The following GLIS3 variants were observed in gnomAD, a reference collection of about 807,000 sequenced individuals.
GLIS3 encodes zinc finger protein GLIS3.
A neutral mutation model predicts 78.6 loss-of-function variants in GLIS3; 53 were observed. That is an observed-to-expected ratio of 0.67 (90% CI 0.54 to 0.85). The LOEUF (loss-of-function observed/expected upper bound fraction) is 0.85, where lower values mean the gene tolerates loss of function less well. Among genes scored for constraint, GLIS3 ranks in the 40% least tolerant of loss-of-function variants. The probability of loss-of-function intolerance (pLI) is 0.00; values close to 1 mark genes in which losing one functional copy is unlikely to be tolerated. For missense variants in GLIS3, 1,703 were observed against 1,231.1 expected (o/e 1.38, Z -5.74); for synonymous variants, 684 against 509.9 (o/e 1.34, Z -4.60).
intron 2 of GLIS3, among the ~76,000 whole-genome samples, chr9:4,144,615 T>G (rs1364544988): frequency 6.6e-6 from 1 of 152,144 alleles, no homozygotes; most frequent in Non-Finnish European, 1.5e-5. Flanking sequence ...CTGTAATACA[T>G]TTTTCACTTA....
At chr9:3,829,871 A>G (rs965852836) in intron 9 of GLIS3, among the ~76,000 whole-genome samples, 15 of 152,084 alleles carry the variant, frequency 9.9e-5, no homozygotes, top group African/African-American at 2.4e-4. Context: ...CCTTTATCCT[A>G]TATTTTCTTC....
At chr9:4,304,621 AG>A (rs1442859551), upstream of GLIS3, among the ~76,000 whole-genome samples, 4 of 152,342 alleles carry the variant, frequency 2.6e-5, no homozygotes, top group South Asian at 2.1e-4. Context: ...GCAGAGAAGA[AG>A]GTGAATTATT....
chr9:4,088,148 A>G (rs1478458831), intron 4 of GLIS3, among the ~76,000 whole-genome samples: 1 of 152,236 alleles, frequency 6.6e-6, no homozygotes, highest in Non-Finnish European at 1.5e-5. Flanking sequence ...GAGAAAGAAT[A>G]AAGAAGAAGG....
At chr9:4,332,154 T>C (rs1214652901) in intron 2 of GLIS3, among the ~76,000 whole-genome samples, 1 of 152,222 alleles carries the variant, frequency 6.6e-6, no homozygotes, top group Admixed American at 6.5e-5. Flanking sequence ...TTCCAGCTTA[T>C]CTAAATTTCT....
At chr9:4,298,703 C>T (rs775600628) in intron 1 of GLIS3, among the ~76,000 whole-genome samples, 2 of 152,106 alleles carry the variant, frequency 1.3e-5, no homozygotes, top group South Asian at 2.1e-4. Flanking sequence ...CGCGAGGTGA[C>T]GAACCCGGCG....
chr9:4,215,433 T>A (rs926926441), intron 2 of GLIS3, among the ~76,000 whole-genome samples: 3 of 152,076 alleles, frequency 2.0e-5, no homozygotes, highest in African/African-American at 7.2e-5. Flanking sequence ...TAAATCATGA[T>A]TGTAAGTGTT....
chr9:3,930,260 A>T (rs1166233170), intron 6 of GLIS3, among the ~76,000 whole-genome samples: 1 of 152,242 alleles, frequency 6.6e-6, no homozygotes, highest in African/African-American at 2.4e-5. Flanking sequence ...ATCCAATTCA[A>T]CCACTTGCAG....
intron 2 of GLIS3, among the ~76,000 whole-genome samples, chr9:4,181,189 G>C (rs557993189): frequency 6.6e-6 from 1 of 152,248 alleles, no homozygotes; most frequent in African/African-American, 2.4e-5. Flanking sequence ...ATCATTCAGA[G>C]ATGCTCCTTT....
At chr9:4,257,512 G>T (rs1217852540) in intron 2 of GLIS3, among the ~76,000 whole-genome samples, 1 of 152,110 alleles carries the variant, frequency 6.6e-6, no homozygotes, top group Non-Finnish European at 1.5e-5. Context: ...AGAAAGAAAG[G>T]TAACTATATA....
At chr9:4,094,332 G>C (rs145208049) in intron 4 of GLIS3, among the ~76,000 whole-genome samples, 1 of 152,188 alleles carries the variant, frequency 6.6e-6, no homozygotes, top group South Asian at 2.1e-4. Flanking sequence ...TGGCTAGTGA[G>C]AGTGCAAATC....
chr9:4,166,389 C>T (rs995973574), intron 2 of GLIS3, among the ~76,000 whole-genome samples: 6 of 152,178 alleles, frequency 3.9e-5, no homozygotes, highest in Non-Finnish European at 7.3e-5. Context: ...AGAAAAACCA[C>T]AGAACAAGGC....
the GLIS3 span, among the ~76,000 whole-genome samples, chr9:4,460,291 A>G: frequency 6.6e-6 from 1 of 152,218 alleles, no homozygotes; most frequent in African/African-American, 2.4e-5. Context: ...TCTATCACTT[A>G]ATCTTTAATT....
At chr9:3,840,100 G>A (rs941033222) in intron 9 of GLIS3, among the ~76,000 whole-genome samples, 2 of 152,164 alleles carry the variant, frequency 1.3e-5, no homozygotes, top group African/African-American at 4.8e-5. Flanking sequence ...TTATAGGGTT[G>A]TGGAAAATAT....
intron 4 of GLIS3, among the ~76,000 whole-genome samples, chr9:4,075,503 G>C (rs909885206): frequency 1.3e-5 from 2 of 152,072 alleles, no homozygotes; most frequent in Non-Finnish European, 2.9e-5. Context: ...GTGAACCCAG[G>C]AGGCGGAGCT....
rs1330319242 is a variant in GLIS3, at chr9:3,856,164, G to C, written c.2318C>G (p.Ser773Cys). ...GAERFAPSAPSPHHISPRRVP... is the reference protein window; with the variant it reads ...GAERFAPSAPCPHHISPRRVP... Reference sequence around the variant, plus strand: ...TCTCCGGGGGCTGATGTGGTGAGGAGATGGAGCAGAAGGTGCAAACCTGAG... The same window carrying C: ...TCTCCGGGGGCTGATGTGGTGAGGACATGGAGCAGAAGGTGCAAACCTGAG... The change falls in exon 9 of 11, where the codon TCT becomes TGT. Residue 773 changes from serine to cysteine, a missense_variant. Coordinates refer to ENST00000381971, the MANE Select transcript of GLIS3 (RefSeq NM_001042413.2). 1 of 1,613,924 alleles carries C rather than the reference G, an allele frequency of 6.2e-7. No homozygotes were observed. The highest frequency in any genetic ancestry group is 8.5e-7 in the Non-Finnish European group (1 of 1,179,980).
chr9:4,401,965 T>A, the GLIS3 span, among the ~76,000 whole-genome samples: 1 of 152,134 alleles, frequency 6.6e-6, no homozygotes, highest in Non-Finnish European at 1.5e-5. Context: ...CCAGCTTAGC[T>A]ATAGTAGAAT....
intron 2 of GLIS3, among the ~76,000 whole-genome samples, chr9:4,229,229 G>A (rs965139831): frequency 1.3e-5 from 2 of 152,212 alleles, no homozygotes; most frequent in South Asian, 4.1e-4. Flanking sequence ...TGGAATTAGA[G>A]AGATTTGCTT....
chr9:4,337,214 C>G (rs1817767929), intron 2 of GLIS3, among the ~76,000 whole-genome samples: 1 of 152,186 alleles, frequency 6.6e-6, no homozygotes, highest in African/African-American at 2.4e-5. Flanking sequence ...TTCTGGGACA[C>G]AGTCCTGAGG....
chr9:4,429,024 C>T, the GLIS3 span, among the ~76,000 whole-genome samples: 27 of 152,206 alleles, frequency 1.8e-4, no homozygotes, highest in African/African-American at 6.3e-4. Flanking sequence ...TCTCACCAGT[C>T]TCCTAACTGG....
Sources: gnomAD v4.1 joint callset for allele counts (sites outside exome capture counted in the v4.1 genomes callset) on GRCh38, gnomAD v4.1.1 for gene constraint, MANE v1.5 for transcripts, NCBI Gene and HGNC (gene_info 2026-07-23, HGNC 2026-07-21) for gene names.